Variants in ATF6 observed in about 807,000 individuals in gnomAD.
ATF6 encodes activating transcription factor 6, also known as cyclic AMP-dependent transcription factor ATF-6 alpha.
ATF6 carries 53 observed loss-of-function variants against 83.6 expected under a neutral mutation model. That is an observed-to-expected ratio of 0.63 (90% confidence interval 0.51 to 0.80). The LOEUF (loss-of-function observed/expected upper bound fraction) is 0.80. Ranked by LOEUF, ATF6 falls within the 30% of genes least tolerant of loss-of-function variation. The pLI is 0.00. For synonymous variants in ATF6, 288 were observed against 285.8 expected (o/e 1.01, Z -0.08); for missense variants, 744 against 797.9 (o/e 0.93, Z 0.81).
At chr1:161,833,922 C>G (rs542483041) in intron 9 of ATF6, among the ~76,000 whole-genome samples, 1 of 152,138 alleles carries the variant, frequency 6.6e-6, no homozygotes. Flanking sequence ...AAAGATACTC[C>G]TCGAGAAGAG....
chr1:161,904,841 G>A (rs1399839010), intron 14 of ATF6, among the ~76,000 whole-genome samples: 2 of 152,208 alleles, frequency 1.3e-5, no homozygotes, highest in African/African-American at 2.4e-5. Flanking sequence ...ATGCGAGCAA[G>A]TGTTGAGTTT....
intron 15 of ATF6, among the ~76,000 whole-genome samples, chr1:161,935,786 G>A (rs1688523376): frequency 6.6e-6 from 1 of 152,176 alleles, no homozygotes; most frequent in Non-Finnish European, 1.5e-5. Flanking sequence ...TAATATAATA[G>A]GTCCAGCATA....
At chr1:161,896,744 A>C (rs1687684264) in intron 14 of ATF6, among the ~76,000 whole-genome samples, 1 of 152,182 alleles carries the variant, frequency 6.6e-6, no homozygotes, top group Non-Finnish European at 1.5e-5. Flanking sequence ...TATTGCTTTG[A>C]AAGTGTGAAG....
chr1:161,790,807 TCTC>T (rs915157881), intron 4 of ATF6, among the ~76,000 whole-genome samples: 4 of 95,090 alleles, frequency 4.2e-5, no homozygotes, highest in African/African-American at 1.7e-4. Context: ...TGAGACTCTG[TCTC>T]AACAACAACA....
intron 14 of ATF6, among the ~76,000 whole-genome samples, chr1:161,886,402 A>T (rs1321453251): frequency 6.6e-6 from 1 of 152,242 alleles, no homozygotes; most frequent in Non-Finnish European, 1.5e-5. Flanking sequence ...GAAACATCTT[A>T]TACAGTTATA....
At chr1:161,799,798 A>G (rs889116246) in intron 6 of ATF6, among the ~76,000 whole-genome samples, 1 of 152,170 alleles carries the variant, frequency 6.6e-6, no homozygotes, top group African/African-American at 2.4e-5. Flanking sequence ...CTTTGCTTTT[A>G]TAAGTTATCT....
At chr1:161,839,097 T>C (rs16852678) in intron 9 of ATF6, among the ~76,000 whole-genome samples, 3,001 of 152,258 alleles carry the variant, frequency 0.02, 104 homozygotes, top group African/African-American at 0.069. Context: ...CATTCTTGAG[T>C]TGTGGGTTAG....
intron 10 of ATF6, 112 bp downstream of exon 10, chr1:161,846,692 TAGAACAC>T (rs1686494348): frequency 1.9e-6 from 2 of 1,072,146 alleles, no homozygotes; most frequent in African/African-American, 3.3e-5. Flanking sequence ...TTTTGAGTAG[TAGAACAC>T]ATAAATTACT....
intron 9 of ATF6, among the ~76,000 whole-genome samples, chr1:161,837,706 T>C (rs1486281218): frequency 6.6e-6 from 1 of 151,966 alleles, no homozygotes; most frequent in Non-Finnish European, 1.5e-5. Flanking sequence ...CAGGTGAAGA[T>C]TCTTAGTTGT....
rs553522462 is a variant in ATF6, at chr1:161,802,826, G to T, written c.909+554G>T. 4.6e-5 allele frequency among the ~76,000 whole-genome samples: 7 copies of T among 152,196 alleles called. No individual in the cohort carries two copies. The South Asian group carries it at 1.2e-3, about 27-fold the overall frequency. On this transcript the variant is annotated intron_variant, in intron 7 of 15. Transcript: ENST00000367942. ...AAACCTTTAAATTTTCTAGCATGTT[G>T]TAGGGATTTCTTATAATTTATAAAT...
In ATF6 at chr1:161,826,185, G is replaced by T. The variant is rs1456541861; in HGVS notation, c.1187+5024G>T. Among the ~76,000 whole-genome samples, 12 of 152,288 alleles carry T rather than the reference G, an allele frequency of 7.9e-5. No homozygotes were observed. The South Asian group carries it at 1.0e-3, about 13-fold the overall frequency. ...CTCGATGAAGGAATAAAGAGGATTA[G>T]ATTATGCTACAGGAAGTGACAGTGG... On this transcript the variant is annotated intron_variant, in intron 9 of 15. Transcript: ENST00000367942.
At chr1:161,784,663 G>T (rs541935649) in intron 4 of ATF6, among the ~76,000 whole-genome samples, 2 of 152,230 alleles carry the variant, frequency 1.3e-5, no homozygotes, top group Non-Finnish European at 1.5e-5. Context: ...GAAAGGGAAA[G>T]TATAAGAATA....
At chr1:161,793,507 G>A (rs1684934517) in intron 6 of ATF6, among the ~76,000 whole-genome samples, 1 of 152,230 alleles carries the variant, frequency 6.6e-6, no homozygotes, top group African/African-American at 2.4e-5. Context: ...TTTAATGTAT[G>A]TTCATATGTG....
At chr1:161,874,989 A>C (rs1687182665) in intron 14 of ATF6, among the ~76,000 whole-genome samples, 1 of 151,706 alleles carries the variant, frequency 6.6e-6, no homozygotes, top group South Asian at 2.1e-4. Context: ...GGAGATCCTT[A>C]AATCAGTGGT....
intron 15 of ATF6, among the ~76,000 whole-genome samples, chr1:161,930,325 T>TA (rs1688406475): frequency 6.6e-6 from 1 of 152,218 alleles, no homozygotes; most frequent in African/African-American, 2.4e-5. Flanking sequence ...GCAGGGGAAA[T>TA]ACTCATTGAA....
Position 161,953,983 on chromosome 1 carries a change from G to A in ATF6, c.1805-4463G>A, listed in dbSNP as rs772653865. Among the ~76,000 whole-genome samples, 26 of 152,170 alleles carry A rather than the reference G, an allele frequency of 1.7e-4. 1 individual carries two copies. The highest frequency in any genetic ancestry group is 3.3e-4 in the Admixed American group (5 of 15,276). ...TCCCATGGAAGGTTTATAAGAAGAA[G>A]TGGGCCTCAAAGAATTAATAGAATT... is the stretch of plus-strand genomic sequence containing the variant. On this transcript the variant is annotated intron_variant, in intron 15 of 15. Transcript: ENST00000367942.
At chr1:161,924,658 C>A (rs538083733) in intron 15 of ATF6, among the ~76,000 whole-genome samples, 70 of 152,230 alleles carry the variant, frequency 4.6e-4, no homozygotes, top group African/African-American at 1.6e-3. Context: ...CAATAGTTTG[C>A]TGCTAGGAAA....
At chr1:161,934,388 A>C (rs1252884586) in intron 15 of ATF6, among the ~76,000 whole-genome samples, 1 of 152,226 alleles carries the variant, frequency 6.6e-6, no homozygotes, top group Non-Finnish European at 1.5e-5. Flanking sequence ...GGGGCTCTGC[A>C]AGAGGAAGGA....
chr1:161,880,596 G>T (rs1007358010), intron 14 of ATF6, among the ~76,000 whole-genome samples: 1 of 152,122 alleles, frequency 6.6e-6, no homozygotes, highest in Non-Finnish European at 1.5e-5. Context: ...GGTGTTGCTT[G>T]TATCAGTAGT....
Sources: gnomAD v4.1 joint callset for allele counts (sites outside exome capture counted in the v4.1 genomes callset) on GRCh38, gnomAD v4.1.1 for gene constraint, MANE v1.5 for transcripts, NCBI Gene and HGNC (gene_info 2026-07-23, HGNC 2026-07-21) for gene names.